Variants in CNTN4 observed in about 807,000 individuals in gnomAD.
The protein encoded by CNTN4 is contactin 4, also known as contactin-4.
CNTN4 carries 77 observed loss-of-function variants against 122.5 expected under a neutral mutation model. The observed-to-expected ratio is 0.63, with a 90% CI of 0.52 to 0.76. The LOEUF (loss-of-function observed/expected upper bound fraction) is 0.76. Ranked by LOEUF, CNTN4 falls within the 30% of genes least tolerant of loss-of-function variation. The probability of loss-of-function intolerance (pLI) is 0.00; values close to 1 mark genes in which losing one functional copy is unlikely to be tolerated. For missense variants in CNTN4, 1,256 were observed against 1,259.1 expected (o/e 1.00, Z 0.04); for synonymous variants, 512 against 447.0 (o/e 1.15, Z -1.83).
intron 4 of CNTN4, among the ~76,000 whole-genome samples, chr3:2,576,385 A>G (rs2079685543): frequency 6.6e-6 from 1 of 151,926 alleles, no homozygotes; most frequent in Admixed American, 6.6e-5. Context: ...CCTGATACCA[A>G]CTCTATGGAC....
chr3:2,878,761 G>C (rs1222217124), intron 8 of CNTN4, among the ~76,000 whole-genome samples: 1 of 152,156 alleles, frequency 6.6e-6, no homozygotes, highest in Admixed American at 6.6e-5. Context: ...CTATGAAAAA[G>C]ACAGACGCAT....
At chr3:2,510,178 CT>C (rs969202806) in intron 3 of CNTN4, among the ~76,000 whole-genome samples, 3 of 152,166 alleles carry the variant, frequency 2.0e-5, no homozygotes, top group Non-Finnish European at 2.9e-5. Flanking sequence ...AAAAGCATGA[CT>C]TTATTTCACT....
intron 4 of CNTN4, among the ~76,000 whole-genome samples, chr3:2,576,485 C>G (rs1241654772): frequency 6.6e-6 from 1 of 151,588 alleles, no homozygotes; most frequent in Non-Finnish European, 1.5e-5. Context: ...GCCTTGAAGT[C>G]TATATCTTGG....
At chr3:2,344,584 A>G (rs1383383866) in intron 3 of CNTN4, among the ~76,000 whole-genome samples, 2 of 152,088 alleles carry the variant, frequency 1.3e-5, no homozygotes, top group Non-Finnish European at 2.9e-5. Flanking sequence ...GGCCCAGGAA[A>G]AAAATTTAAA....
chr3:2,968,008 A>T (rs1692500903), intron 13 of CNTN4, among the ~76,000 whole-genome samples: 1 of 152,068 alleles, frequency 6.6e-6, no homozygotes, highest in African/African-American at 2.4e-5. Flanking sequence ...AAAGTTAGGG[A>T]AGTCTGCCTT....
chr3:2,831,894 A>G (rs2093113657), intron 7 of CNTN4, among the ~76,000 whole-genome samples: 1 of 152,250 alleles, frequency 6.6e-6, no homozygotes, highest in South Asian at 2.1e-4. Flanking sequence ...CCCAGTTCTT[A>G]TCATTTCACG....
chr3:2,446,265 G>C (rs1386870413), intron 3 of CNTN4, among the ~76,000 whole-genome samples: 2 of 152,114 alleles, frequency 1.3e-5, no homozygotes, highest in African/African-American at 4.8e-5. Context: ...AGAGAACGTG[G>C]GTTCTTTATT....
intron 2 of CNTN4, among the ~76,000 whole-genome samples, chr3:2,335,430 G>T (rs574230969): frequency 6.6e-6 from 1 of 152,054 alleles, no homozygotes; most frequent in Admixed American, 6.5e-5. Context: ...CATTTTATTC[G>T]AAAGGAAGCT....
chr3:2,229,045 G>A (rs533234648), intron 2 of CNTN4, among the ~76,000 whole-genome samples: 4 of 152,112 alleles, frequency 2.6e-5, no homozygotes, highest in African/African-American at 9.7e-5. Flanking sequence ...GGACGCTAAT[G>A]CATTAGCCTT....
intron 3 of CNTN4, among the ~76,000 whole-genome samples, chr3:2,339,725 A>G (rs1341295001): frequency 6.6e-6 from 1 of 151,790 alleles, no homozygotes; most frequent in Non-Finnish European, 1.5e-5. Context: ...TTTCCTTAAT[A>G]AAATATATAG....
chr3:2,469,114 A>G (rs1575700397), intron 3 of CNTN4, among the ~76,000 whole-genome samples: 1 of 152,326 alleles, frequency 6.6e-6, no homozygotes, highest in Non-Finnish European at 1.5e-5. Flanking sequence ...TTAGCTAACC[A>G]CTATCTCTCT....
intron 4 of CNTN4, among the ~76,000 whole-genome samples, chr3:2,625,617 C>T (rs1386513960): frequency 6.6e-6 from 1 of 152,176 alleles, no homozygotes; most frequent in Admixed American, 6.5e-5. Context: ...TTGCTTCTTT[C>T]ACTCAGCTTA....
intron 6 of CNTN4, among the ~76,000 whole-genome samples, chr3:2,817,993 C>T (rs2092776813): frequency 6.6e-6 from 1 of 152,164 alleles, no homozygotes; most frequent in African/African-American, 2.4e-5. Flanking sequence ...TAATTCAAAT[C>T]ATAGCACTGA....
At chr3:2,571,268 T>C (rs2079408242) in intron 3 of CNTN4, 148 bp from the exon 4 acceptor site, 1 of 577,978 alleles carries the variant, frequency 1.7e-6, no homozygotes, top group Admixed American at 3.0e-5. Flanking sequence ...ATTAGCTTTA[T>C]ATTCATAATT....
At chr3:2,360,102 T>C (rs2045060249) in intron 3 of CNTN4, among the ~76,000 whole-genome samples, 1 of 152,226 alleles carries the variant, frequency 6.6e-6, no homozygotes, top group Non-Finnish European at 1.5e-5. Context: ...AGATTATGAC[T>C]ATTTATTGTG....
chr3:2,842,810 C>T (rs902650768), intron 7 of CNTN4, among the ~76,000 whole-genome samples: 8 of 152,040 alleles, frequency 5.3e-5, no homozygotes, highest in Admixed American at 2.6e-4. Flanking sequence ...TCTCTTGGTA[C>T]CCCCTTTAAA....
chr3:2,429,668 A>G (rs1037090793), intron 3 of CNTN4, among the ~76,000 whole-genome samples: 3 of 152,156 alleles, frequency 2.0e-5, no homozygotes, highest in African/African-American at 7.2e-5. Flanking sequence ...CAGCTGTGCC[A>G]TGCCCCGAAG....
intron 3 of CNTN4, among the ~76,000 whole-genome samples, chr3:2,395,509 G>A (rs35669246): frequency 0.19 from 28,796 of 152,068 alleles, 3,435 homozygotes; most frequent in Middle Eastern, 0.29. Context: ...GGAATATTTC[G>A]TGATGCTGAG....
Position 2,923,255 on chromosome 3 carries a change from A to G in CNTN4, c.1208-2374A>G, listed in dbSNP as rs570347006. Among the ~76,000 whole-genome samples, 5 of 152,282 alleles carry G rather than the reference A, an allele frequency of 3.3e-5. No individual in the cohort carries two copies. In the South Asian group the frequency reaches 1.0e-3, roughly 32 times the overall value. On this transcript the variant is annotated intron_variant, in intron 12 of 24. Coordinates refer to ENST00000418658, the MANE Select transcript of CNTN4 (RefSeq NM_175607.3). The stretch of plus-strand genomic sequence containing the variant: ...AGTTTTAAGAAGGGATTTTTATATG[A>G]TACAGATTTGTAACTCTATTTCACA...
Sources: gnomAD v4.1 joint callset for allele counts (sites outside exome capture counted in the v4.1 genomes callset) on GRCh38, gnomAD v4.1.1 for gene constraint, MANE v1.5 for transcripts, NCBI Gene and HGNC (gene_info 2026-07-23, HGNC 2026-07-21) for gene names.